Variants in DAZAP1 observed in about 807,000 individuals in gnomAD.
DAZAP1 encodes DAZ associated protein 1, also known as DAZ-associated protein 1.
In DAZAP1, 6 loss-of-function variants were observed where a neutral mutation model predicts 60.1. The ratio of observed to expected loss-of-function variants is 0.10; its 90% CI spans 0.05 to 0.20. The LOEUF (loss-of-function observed/expected upper bound fraction) is 0.20. DAZAP1 is among the 10% of genes least tolerant of loss of function. The pLI, the probability that DAZAP1 is intolerant of heterozygous loss-of-function variation, is 1.00. For synonymous variants in DAZAP1, 235 were observed against 215.9 expected, an observed-to-expected ratio of 1.09 and a Z score of -0.78; for missense variants, 366 against 560.4, an observed-to-expected ratio of 0.65 and a Z score of 3.50.
At position 1,422,208 on chromosome 19, in the gene DAZAP1, C is replaced by T; in HGVS notation, c.415-140C>T. 1 of 713,424 alleles carries T rather than the reference C, an allele frequency of 1.4e-6. No homozygotes were observed. The highest frequency in any genetic ancestry group is 1.6e-5 in the South Asian group (1 of 61,154). The allele number at this position is 713,424 out of a possible 1,614,324, so 44.2% of individuals were successfully genotyped here. A position where few individuals can be genotyped will look rare whatever the true frequency, so the allele number is the denominator to read the frequency against. On this transcript the variant is annotated intron_variant, in intron 5 of 11. Transcript: ENST00000233078. The surrounding 1 kb of genome is among the most constrained non-coding windows in gnomAD (Gnocchi z 4.5). ...CTCAGACAGCAGCCCCACGGAGCAG[C>T]TGTTGCCCGTGCACCTCCCCCGCTC...
At chr19:1,413,368 C>T (rs920581251) in intron 1 of DAZAP1, among the ~76,000 whole-genome samples, 7 of 152,204 alleles carry the variant, frequency 4.6e-5, no homozygotes, top group Non-Finnish European at 7.3e-5. Context: ...TCTGATGTGC[C>T]GGCTTCTCAC....
In DAZAP1 at chr19:1,432,169, G is replaced by C; in HGVS notation, c.872-345G>C. 1 of 346,090 alleles carries C rather than the reference G, an allele frequency of 2.9e-6. No individual in the cohort carries two copies. The highest frequency in any genetic ancestry group is 5.4e-6 in the Non-Finnish European group (1 of 185,988). The allele number at this position is 346,090 out of a possible 1,614,324, so 21.4% of individuals were successfully genotyped here. On this transcript the variant is annotated intron_variant, in intron 10 of 11. Transcript: ENST00000233078. The surrounding 1 kb of genome is among the most constrained non-coding windows in gnomAD (Gnocchi z 4.9). Reference sequence around the variant, plus strand: ...CTTCCTAAACATGGGGACTGGGCATGGTGGCAGGTTTTTGTCCTTCTGAAA... The same window carrying C: ...CTTCCTAAACATGGGGACTGGGCATCGTGGCAGGTTTTTGTCCTTCTGAAA...
At position 1,434,023 on chromosome 19, in the gene DAZAP1, CCACGTG is replaced by C. The variant is rs1290270089; in HGVS notation, c.1049-710_1049-705del. The C allele has an allele frequency of 3.9e-5, 23 of 594,162 alleles. No individual in the cohort carries two copies. The highest frequency in any genetic ancestry group is 6.6e-5 in the Non-Finnish European group (22 of 334,958). The allele number at this position is 594,162 out of a possible 1,614,324, so 36.8% of individuals were successfully genotyped here. ...AGAGAGAGCCCACGCCCACCTGTGC[CCACGTG>C]CACCCGAATGGGAACCCAGAGGTCG... On this transcript the variant is annotated intron_variant, in intron 11 of 11. Coordinates refer to ENST00000233078, the MANE Select transcript of DAZAP1 (RefSeq NM_018959.4). This position sits in a 1 kb window ranked among gnomAD's most constrained non-coding sequence, Gnocchi z 8.0.
Position 1,423,822 on chromosome 19 carries a change from C to G in DAZAP1, c.463+1426C>G, listed in dbSNP as rs1286059055. Among the ~76,000 whole-genome samples the G allele has an allele frequency of 2.0e-5, 3 of 152,168 alleles. No individual in the cohort carries two copies. In the South Asian group the frequency reaches 6.2e-4, roughly 31 times the overall value. Reference sequence around the variant, plus strand: ...CTCCGGCTGCCCAGAGCTGGCGCCCCTTCTCCTCGCGTCCTGTCCTGTCCC... The same window carrying G: ...CTCCGGCTGCCCAGAGCTGGCGCCCGTTCTCCTCGCGTCCTGTCCTGTCCC... On this transcript the variant is annotated intron_variant, in intron 6 of 11. Transcript: ENST00000233078. This position sits in a 1 kb window ranked among gnomAD's most constrained non-coding sequence, Gnocchi z 6.8.
In DAZAP1 at chr19:1,407,630, C is replaced by CCG. The variant is rs1420671063; in HGVS notation, c.-142_-141dup. 2 of 754,996 alleles carry CCG rather than the reference C, an allele frequency of 2.6e-6. No individual in the cohort carries two copies. The highest frequency in any genetic ancestry group is 2.0e-5 in the African/African-American group (1 of 50,552). 46.8% of individuals were successfully genotyped at this position (754,996 alleles called of 1,614,324 possible). A position where few individuals can be genotyped will look rare whatever the true frequency, so the allele number is the denominator to read the frequency against. ...CGAGGGGAGGAGGCAGCCGCCGCCG[C>CCG]CGCCGCCGCCGCCGCCGCCGCCGCC... On this transcript the variant is annotated 5_prime_UTR_variant, in exon 1 of 12. Transcript: ENST00000233078.
chr19:1,417,619 C>G, intron 2 of DAZAP1, 79 bp downstream of exon 2: 1 of 1,307,246 alleles, frequency 7.6e-7, no homozygotes, highest in Non-Finnish European at 1.1e-6. Flanking sequence ...CTGCCCGCCT[C>G]TTGCTACTGT....
At position 1,428,534 on chromosome 19, in the gene DAZAP1, G is replaced by A; in HGVS notation, c.547-308G>A. On this transcript the variant is annotated intron_variant, in intron 7 of 11. Coordinates refer to ENST00000233078, the MANE Select transcript of DAZAP1 (RefSeq NM_018959.4). This position sits in a 1 kb window ranked among gnomAD's most constrained non-coding sequence, Gnocchi z 4.0. ...ACGCTGCCATTTTACTTGAGTGAAAGACCCTTCGTCACGCACGAAACCCCC... is the reference window on the plus strand; with the variant it reads ...ACGCTGCCATTTTACTTGAGTGAAAAACCCTTCGTCACGCACGAAACCCCC... 1 of 285,410 alleles carries A rather than the reference G, an allele frequency of 3.5e-6. No individual in the cohort carries two copies. Among genetic ancestry groups the A allele is most frequent in the Middle Eastern group, 1.1e-3 (1 of 920 alleles). 17.7% of individuals were successfully genotyped at this position (285,410 alleles called of 1,614,324 possible). A position where few individuals can be genotyped will look rare whatever the true frequency, so the allele number is the denominator to read the frequency against.
chr19:1,424,214 G>A (rs1006351750), intron 6 of DAZAP1, among the ~76,000 whole-genome samples: 1 of 151,908 alleles, frequency 6.6e-6, no homozygotes, highest in Non-Finnish European at 1.5e-5. Context: ...CCCTCGGCCC[G>A]CCCGCTCCAG....
intron 2 of DAZAP1, among the ~76,000 whole-genome samples, chr19:1,418,000 T>A (rs562898745): frequency 6.6e-6 from 1 of 152,324 alleles, no homozygotes; most frequent in East Asian, 1.9e-4. Flanking sequence ...CTGTGCTCAC[T>A]GGCAGCCCCT....
At chr19:1,410,582 C>G (rs1384178994) in intron 1 of DAZAP1, among the ~76,000 whole-genome samples, 4 of 152,236 alleles carry the variant, frequency 2.6e-5, no homozygotes, top group Non-Finnish European at 5.9e-5. Flanking sequence ...GACTTGGATT[C>G]TGGGAAGCTG....
intron 8 of DAZAP1, 107 bp from the exon 9 acceptor site, chr19:1,429,860 G>C (rs1600240853): frequency 3.6e-6 from 5 of 1,378,834 alleles, no homozygotes; most frequent in Non-Finnish European, 5.0e-6. Context: ...AGCACAGGAG[G>C]CTCCGGGGTT....
Position 1,430,254 on chromosome 19 carries a change from G to GAC in DAZAP1, c.763_764insAC (p.Ala255AspfsTer81). The GAC allele has an allele frequency of 7.7e-7, 1 of 1,295,270 alleles. No homozygotes were observed. Among genetic ancestry groups the GAC allele is most frequent in the Non-Finnish European group, 1.1e-6 (1 of 924,078 alleles). 80.2% of individuals were successfully genotyped at this position (1,295,270 alleles called of 1,614,324 possible). ...TGGACCGCCCCCTGCAGGAAGAGGA[G>GAC]CCCCCCCGCCACCCCCACCGTTCAC... On this transcript the variant is annotated frameshift_variant, in exon 10 of 12. Transcript: ENST00000233078. LOFTEE classifies it high-confidence loss of function.
At chr19:1,429,526 G>A (rs1394943529) in intron 8 of DAZAP1, among the ~76,000 whole-genome samples, 1 of 152,244 alleles carries the variant, frequency 6.6e-6, no homozygotes, top group Non-Finnish European at 1.5e-5. Flanking sequence ...TTGTGGGTCA[G>A]GGTTCCAGAT....
intron 7 of DAZAP1, chr19:1,427,792 C>T (rs143611685): frequency 6.6e-6 from 1 of 152,434 alleles, no homozygotes; most frequent in African/African-American, 2.4e-5. Flanking sequence ...CTTTGTGCCT[C>T]TGTGGCTGCT....
At chr19:1,409,198 G>A (rs895568757) in intron 1 of DAZAP1, among the ~76,000 whole-genome samples, 1 of 152,218 alleles carries the variant, frequency 6.6e-6, no homozygotes, top group African/African-American at 2.4e-5. Flanking sequence ...CTGTGTGAGG[G>A]ACATTGCAGG....
rs949339227 is a variant in DAZAP1, at chr19:1,426,371, T to C, written c.546+411T>C. ...TGTAATGTGATCAGCAAGGGACCTTTGAGAGCCGAGGTTCCGCTTAAAATG... is the reference window on the plus strand; with the variant it reads ...TGTAATGTGATCAGCAAGGGACCTTCGAGAGCCGAGGTTCCGCTTAAAATG... On this transcript the variant is annotated intron_variant, in intron 7 of 11. Transcript: ENST00000233078. This position sits in a 1 kb window ranked among gnomAD's most constrained non-coding sequence, Gnocchi z 5.4. 1.7e-5 allele frequency: 3 copies of C among 176,228 alleles called. No homozygotes were observed. Among genetic ancestry groups the C allele is most frequent in the South Asian group, 1.2e-4 (1 of 8,268 alleles). 10.9% of individuals were successfully genotyped at this position (176,228 alleles called of 1,614,324 possible).
intron 8 of DAZAP1, among the ~76,000 whole-genome samples, chr19:1,429,621 G>A (rs191161624): frequency 6.6e-5 from 10 of 152,294 alleles, no homozygotes; most frequent in Non-Finnish European, 1.5e-5. Context: ...TTGGAAACTC[G>A]GAGGTGCTGT....
In DAZAP1 at chr19:1,422,525, C is replaced by T. The variant is rs2083187535; in HGVS notation, c.463+129C>T. ...GCCTCAGGAAGGGACGATTTGGAGA[C>T]AAATGACTAAAACGTGGGCTCCTCA... On this transcript the variant is annotated intron_variant, in intron 6 of 11. Coordinates refer to ENST00000233078, the MANE Select transcript of DAZAP1 (RefSeq NM_018959.4). This position sits in a 1 kb window ranked among gnomAD's most constrained non-coding sequence, Gnocchi z 4.5. 1.3e-6 allele frequency: 1 copy of T among 795,500 alleles called. No individual in the cohort carries two copies. Among genetic ancestry groups the T allele is most frequent in the African/African-American group, 1.7e-5 (1 of 57,542 alleles). The allele number at this position is 795,500 out of a possible 1,614,324, so 49.3% of individuals were successfully genotyped here.
chr19:1,429,164 C>T (rs1320406527), intron 8 of DAZAP1, among the ~76,000 whole-genome samples, 169 bp downstream of exon 8: 2 of 152,162 alleles, frequency 1.3e-5, no homozygotes, highest in African/African-American at 4.8e-5. Context: ...AGCCAGCTCC[C>T]GGGCAGCACC....
Sources: gnomAD v4.1 joint callset for allele counts (sites outside exome capture counted in the v4.1 genomes callset) on GRCh38, gnomAD v4.1.1 for gene constraint, Gnocchi (gnomAD v3.1) non-coding constraint, MANE v1.5 for transcripts, NCBI Gene and HGNC (gene_info 2026-07-23, HGNC 2026-07-21) for gene names.